Variants in EML2 observed in about 807,000 individuals in gnomAD.
EML2 encodes the protein echinoderm microtubule-associated protein-like 2.
EML2 carries 59 observed loss-of-function variants against 84.7 expected under a neutral mutation model. That is an observed-to-expected ratio of 0.70 (90% CI 0.56 to 0.86). The LOEUF (loss-of-function observed/expected upper bound fraction) is 0.86, where lower values mean the gene tolerates loss of function less well. Among genes scored for constraint, EML2 ranks in the 40% least tolerant of loss-of-function variants. The probability of loss-of-function intolerance (pLI) is 0.00; values close to 1 mark genes in which losing one functional copy is unlikely to be tolerated. For missense variants in EML2, 818 were observed against 855.6 expected (o/e 0.96, Z 0.55); for synonymous variants, 352 against 348.9 (o/e 1.01, Z -0.10).
intron 18 of EML2, among the ~76,000 whole-genome samples, chr19:45,612,540 G>A (rs1168143231): frequency 6.6e-6 from 1 of 152,106 alleles, no homozygotes; most frequent in African/African-American, 2.4e-5. Flanking sequence ...CAGGTGTGGT[G>A]GTGCACGCCT....
chr19:45,632,802 G>C (rs1973220423), intron 6 of EML2, 59 bp downstream of exon 6: 4 of 1,457,624 alleles, frequency 2.7e-6, no homozygotes, highest in Admixed American at 1.9e-5. Context: ...GAAAAGGTGC[G>C]GGCACTTGCC....
chr19:45,630,129 A>C (rs1972849876), intron 6 of EML2, 83 bp from the exon 7 acceptor site: 2 of 989,908 alleles, frequency 2.0e-6, no homozygotes, highest in African/African-American at 1.6e-5. Context: ...GGCATTCACC[A>C]CACAGGCCTG....
chr19:45,621,760 T>A, intron 9 of EML2, 123 bp from the exon 10 acceptor site: 1 of 1,186,446 alleles, frequency 8.4e-7, no homozygotes, highest in Non-Finnish European at 1.2e-6. Flanking sequence ...CTTTTTTTTT[T>A]TTTTGAGACG....
chr19:45,617,384 C>T (rs1439868473), intron 13 of EML2, among the ~76,000 whole-genome samples: 2 of 151,418 alleles, frequency 1.3e-5, no homozygotes, highest in African/African-American at 2.4e-5. Context: ...GGTGAAACCC[C>T]GTCTCTACTA....
At chr19:45,631,753 T>C (rs565657997) in intron 6 of EML2, among the ~76,000 whole-genome samples, 1 of 152,164 alleles carries the variant, frequency 6.6e-6, no homozygotes, top group East Asian at 1.9e-4. Context: ...TCGCCCAAGT[T>C]GGAGTGTAGT....
At chr19:45,641,564 G>A (rs976905118), upstream of EML2, 4 of 1,417,388 alleles carry the variant, frequency 2.8e-6, no homozygotes, top group African/African-American at 5.7e-5. Context: ...ACGACCTCGT[G>A]GCCTGGGGCA....
intron 12 of EML2, among the ~76,000 whole-genome samples, chr19:45,618,597 T>A (rs1971349317): frequency 6.6e-6 from 1 of 151,922 alleles, no homozygotes; most frequent in Middle Eastern, 3.2e-3. Flanking sequence ...CCTCCAACCC[T>A]TCTGAGAGAG....
upstream of EML2, chr19:45,641,875 C>T: frequency 6.8e-7 from 1 of 1,468,038 alleles, no homozygotes; most frequent in Non-Finnish European, 9.0e-7. Context: ...CTGTCTCCCA[C>T]GAGGTCTTGG....
intron 8 of EML2, among the ~76,000 whole-genome samples, chr19:45,626,077 A>T (rs1270876267): frequency 6.7e-6 from 1 of 148,482 alleles, no homozygotes; most frequent in South Asian, 2.1e-4. Flanking sequence ...AGGTCTCTCC[A>T]TGTTTCCCAG....
At chr19:45,624,327 C>T (rs1260814359) in intron 9 of EML2, among the ~76,000 whole-genome samples, 1 of 152,176 alleles carries the variant, frequency 6.6e-6, no homozygotes, top group East Asian at 1.9e-4. Context: ...CCATCCATTT[C>T]CTAGGATCAC....
upstream of EML2, chr19:45,645,388 G>A: frequency 6.6e-7 from 1 of 1,509,490 alleles, no homozygotes; most frequent in Non-Finnish European, 8.8e-7. Flanking sequence ...CCCGGGCCCG[G>A]TCCCCCCAAC....
At chr19:45,638,795 C>T (rs7252448) in intron 2 of EML2, 50 bp downstream of exon 2, 428,833 of 1,608,082 alleles carry the variant, frequency 0.27, 58,875 homozygotes, top group East Asian at 0.33. Context: ...TCCAGCCTGT[C>T]ACCCCAACAA....
upstream of EML2, chr19:45,645,569 C>T (rs985478435): frequency 1.1e-6 from 1 of 916,346 alleles, no homozygotes; most frequent in Non-Finnish European, 1.5e-6. Flanking sequence ...ATCCTAGGGC[C>T]AGGATTGGCT....
rs1403524242 is a variant in EML2, at chr19:45,621,477, CCT to C, written c.996+4_996+5del. ...ACCCCCATCTGAGCCCACTGCCCCT[CCT>C]CACCTCCACTTCCTGCAGCTTGCTG... On this transcript the variant is annotated splice_donor_5th_base_variant and intron_variant, in intron 10 of 18. Coordinates refer to ENST00000245925, the MANE Select transcript of EML2 (RefSeq NM_012155.4). 1 of 1,608,732 alleles carries C rather than the reference CCT, an allele frequency of 6.2e-7. No individual in the cohort carries two copies. Among genetic ancestry groups the C allele is most frequent in the South Asian group, 1.1e-5 (1 of 90,986 alleles).
chr19:45,621,105 G>A, intron 11 of EML2, 102 bp downstream of exon 11: 1 of 1,482,778 alleles, frequency 6.7e-7, no homozygotes, highest in South Asian at 1.2e-5. Flanking sequence ...GACAGAGCAG[G>A]GAGGTGAGGA....
Position 45,617,642 on chromosome 19 carries a change from G to T in EML2, c.1310C>A (p.Thr437Lys). Residue 437 changes from threonine (T) to lysine (K), a missense_variant, in exon 13 of 19, where the codon ACA (threonine) becomes AAA (lysine). By Grantham distance (78) the Thr-to-Lys change is moderately conservative. Coordinates refer to ENST00000245925, the MANE Select transcript of EML2 (RefSeq NM_012155.4). ...TCCTCAGCTTTACCTGCCAGTCACTGTACCCACAGCCAGGACAGAGCCACT... is the reference window on the plus strand; with the variant it reads ...TCCTCAGCTTTACCTGCCAGTCACTTTACCCACAGCCAGGACAGAGCCACT... ...HPSGSVLAVG[T>K]VTGRWLLLDT... 1 of 1,613,860 alleles carries T rather than the reference G, an allele frequency of 6.2e-7. No homozygotes were observed. The highest frequency in any genetic ancestry group is 8.5e-7 in the Non-Finnish European group (1 of 1,179,874).
chr19:45,633,784 C>T (rs1279326412), intron 4 of EML2, among the ~76,000 whole-genome samples: 1 of 152,018 alleles, frequency 6.6e-6, no homozygotes, highest in African/African-American at 2.4e-5. Flanking sequence ...TCGCTCTGTC[C>T]CCCAGGCTAG....
upstream of EML2, chr19:45,642,465 C>T: frequency 6.9e-7 from 1 of 1,447,356 alleles, no homozygotes; most frequent in Middle Eastern, 1.8e-4. Context: ...CTTTCCTGTC[C>T]CGCTACCTGG....
At chr19:45,615,207 GTGGACACC>G (rs1261758366) in intron 16 of EML2, among the ~76,000 whole-genome samples, 3 of 152,146 alleles carry the variant, frequency 2.0e-5, no homozygotes, top group Non-Finnish European at 4.4e-5. Flanking sequence ...GGGCGTGGTG[GTGGACACC>G]TGGAATCCCA....
Sources: allele counts gnomAD v4.1 joint callset (sites outside exome capture counted in the v4.1 genomes callset), GRCh38; gene constraint gnomAD v4.1.1; transcripts MANE v1.5; gene names NCBI Gene and HGNC (gene_info 2026-07-23, HGNC 2026-07-21).